Variants in COL22A1 observed in about 807,000 individuals in gnomAD.
COL22A1 encodes the protein collagen alpha-1(XXII) chain.
In COL22A1, 221 loss-of-function variants were observed where a neutral mutation model predicts 248.9. The observed-to-expected ratio is 0.89, with a 90% confidence interval of 0.80 to 0.99. The LOEUF (loss-of-function observed/expected upper bound fraction) is 0.99. Ranked by LOEUF, COL22A1 falls within the 50% of genes least tolerant of loss-of-function variation. COL22A1 has a pLI of 0.00. For missense variants in COL22A1, 2,240 were observed against 2,179.0 expected, an observed-to-expected ratio of 1.03 and a Z score of -0.56; for synonymous variants, 891 against 793.4, an observed-to-expected ratio of 1.12 and a Z score of -2.07.
intron 4 of COL22A1, among the ~76,000 whole-genome samples, chr8:138,842,565 G>T (rs781602892): frequency 6.6e-6 from 1 of 152,158 alleles, no homozygotes; most frequent in Non-Finnish European, 1.5e-5. Flanking sequence ...AGCCTCGCTG[G>T]GGATTACCAA....
chr8:138,788,140 C>T (rs1049342436), intron 12 of COL22A1, among the ~76,000 whole-genome samples: 3 of 152,152 alleles, frequency 2.0e-5, no homozygotes, highest in African/African-American at 7.2e-5. Flanking sequence ...ATCAACCTCA[C>T]CTGGGGTTGC....
chr8:138,647,369 T>C (rs1822296891), intron 46 of COL22A1, among the ~76,000 whole-genome samples: 1 of 152,074 alleles, frequency 6.6e-6, no homozygotes, highest in African/African-American at 2.4e-5. Flanking sequence ...CCCCAGAAAT[T>C]TGAGATAATA....
At chr8:138,618,592 A>C (rs149927222) in intron 53 of COL22A1, among the ~76,000 whole-genome samples, 149 of 152,316 alleles carry the variant, frequency 9.8e-4, no homozygotes, top group African/African-American at 3.5e-3. Flanking sequence ...GGGATTTAAG[A>C]GAACAGAAAA....
Position 138,833,167 on chromosome 8 carries a change from G to A in COL22A1, c.734-17C>T, listed in dbSNP as rs1223618683. 2.6e-6 allele frequency: 4 copies of A among 1,549,990 alleles called. No individual in the cohort carries two copies. The Admixed American group carries it at 6.7e-5, about 26-fold the overall frequency. ...GGTCAAAACCTGTACAAAGAGAAGAGCTGGGAGTGAGTTTGGAGAAGGAAG... is the reference window on the plus strand; with the variant it reads ...GGTCAAAACCTGTACAAAGAGAAGAACTGGGAGTGAGTTTGGAGAAGGAAG... On this transcript the variant is annotated splice_polypyrimidine_tract_variant and intron_variant, in intron 4 of 64. Transcript: ENST00000303045.
chr8:138,769,914 C>A (rs560376812), intron 16 of COL22A1, among the ~76,000 whole-genome samples: 1 of 152,340 alleles, frequency 6.6e-6, no homozygotes, highest in East Asian at 1.9e-4. Flanking sequence ...AACACCAACT[C>A]TCTTTTGTTA....
chr8:138,646,969 G>A (rs146649078), intron 46 of COL22A1, among the ~76,000 whole-genome samples: 398 of 152,268 alleles, frequency 2.6e-3, no homozygotes, highest in African/African-American at 8.8e-3. Context: ...TGGAGCAGCC[G>A]TCCTGCCATT....
chr8:138,793,854 T>C (rs1816269889), intron 12 of COL22A1, among the ~76,000 whole-genome samples: 1 of 152,270 alleles, frequency 6.6e-6, no homozygotes, highest in South Asian at 2.1e-4. Context: ...GGTCCCTGCC[T>C]GGTGACAGGA....
intron 35 of COL22A1, among the ~76,000 whole-genome samples, chr8:138,691,674 T>TGC (rs1192519929): frequency 5.7e-5 from 8 of 141,174 alleles, no homozygotes; most frequent in Admixed American, 1.4e-4. Context: ...GGGGTGTGTA[T>TGC]ATGTGTACAG....
intron 20 of COL22A1, 66 bp downstream of exon 20, chr8:138,755,416 G>T: frequency 6.5e-7 from 1 of 1,528,790 alleles, no homozygotes; most frequent in Admixed American, 1.7e-5. Flanking sequence ...TGAGATCATG[G>T]TTGTGGCTTT....
At chr8:138,626,994 T>G (rs1347621678) in intron 50 of COL22A1, among the ~76,000 whole-genome samples, 1 of 152,148 alleles carries the variant, frequency 6.6e-6, no homozygotes, top group Non-Finnish European at 1.5e-5. Context: ...CTCCTACAAG[T>G]GCTTACTGGG....
intron 4 of COL22A1, among the ~76,000 whole-genome samples, chr8:138,838,975 A>T (rs894360205): frequency 6.0e-5 from 9 of 150,370 alleles, no homozygotes; most frequent in Admixed American, 3.3e-4. Context: ...GCCCTCCCCC[A>T]CCCCCTTAGC....
intron 12 of COL22A1, among the ~76,000 whole-genome samples, chr8:138,784,709 A>T (rs1815357768): frequency 6.6e-6 from 1 of 152,198 alleles, no homozygotes; most frequent in African/African-American, 2.4e-5. Flanking sequence ...CCAGGCACTG[A>T]GCACTTTACA....
chr8:138,894,776 A>G (rs1825288860), intron 1 of COL22A1, among the ~76,000 whole-genome samples: 1 of 152,208 alleles, frequency 6.6e-6, no homozygotes. Context: ...ACTTTGTAAT[A>G]TAAGTGAGCA....
chr8:138,703,228 G>C (rs1485882771), intron 31 of COL22A1, 78 bp downstream of exon 31: 2 of 1,271,420 alleles, frequency 1.6e-6, no homozygotes, highest in African/African-American at 2.9e-5. Flanking sequence ...AAACTAAGTA[G>C]TGGCAGTTGC....
intron 2 of COL22A1, among the ~76,000 whole-genome samples, chr8:138,880,503 A>G (rs1371267077): frequency 6.6e-6 from 1 of 152,242 alleles, no homozygotes; most frequent in East Asian, 1.9e-4. Context: ...GAAAAACAAT[A>G]AAGTTATACG....
Position 138,685,280 on chromosome 8 carries a change from T to G in COL22A1, c.2895A>C (p.Pro965=). Reference sequence around the variant, plus strand: ...CACCAGGATCTCCCCTGGGACCAACTGGCCCTGGGCTGCCTTCTTCCCCCG... The same window carrying G: ...CACCAGGATCTCCCCTGGGACCAACGGGCCCTGGGCTGCCTTCTTCCCCCG... ...GAAGEEGSPG[P]VGPRGDPGAP... Residue 965 remains proline, a synonymous_variant, in exon 38 of 65, where the codon CCA becomes CCC. Transcript: ENST00000303045. The G allele has an allele frequency of 6.2e-7, 1 of 1,613,898 alleles. No individual in the cohort carries two copies. The highest frequency in any genetic ancestry group is 8.5e-7 in the Non-Finnish European group (1 of 1,179,898).
At chr8:138,683,209 T>C (rs1352556545) in intron 39 of COL22A1, among the ~76,000 whole-genome samples, 1 of 152,162 alleles carries the variant, frequency 6.6e-6, no homozygotes, top group African/African-American at 2.4e-5. Flanking sequence ...ATATGCACTG[T>C]TGTCATCCCA....
chr8:138,762,311 G>T, intron 17 of COL22A1, 102 bp downstream of exon 17: 1 of 1,149,294 alleles, frequency 8.7e-7, no homozygotes, highest in Non-Finnish European at 1.3e-6. Context: ...GCAAGGAGGA[G>T]GCCCAGGTGC....
At chr8:138,757,518 CAT>C (rs975068371) in intron 18 of COL22A1, among the ~76,000 whole-genome samples, 7 of 152,058 alleles carry the variant, frequency 4.6e-5, no homozygotes, top group African/African-American at 1.2e-4. Context: ...TCAATCAACA[CAT>C]GTTTTAATTA....
Sources: gnomAD v4.1 joint callset for allele counts (sites outside exome capture counted in the v4.1 genomes callset) on GRCh38, gnomAD v4.1.1 for gene constraint, MANE v1.5 for transcripts, NCBI Gene and HGNC (gene_info 2026-07-23, HGNC 2026-07-21) for gene names.